The following MOK variants were observed in gnomAD, a reference collection of about 807,000 sequenced individuals.
MOK encodes the protein MAPK/MAK/MRK overlapping kinase.
A neutral mutation model predicts 54.2 loss-of-function variants in MOK; 59 were observed. The observed-to-expected ratio is 1.09, with a 90% confidence interval of 0.88 to 1.35. The LOEUF (loss-of-function observed/expected upper bound fraction) is 1.35, where lower values mean the gene tolerates loss of function less well. MOK is among the 40% of genes most tolerant of loss of function. The pLI, the probability that MOK is intolerant of heterozygous loss-of-function variation, is 0.00. For missense variants in MOK, 517 were observed against 526.2 expected (o/e 0.98, Z 0.17); for synonymous variants, 210 against 202.7 (o/e 1.04, Z -0.31).
intron 6 of MOK, 63 bp from the exon 7 acceptor site, chr14:102,251,053 A>C: frequency 6.6e-7 from 1 of 1,525,404 alleles, no homozygotes; most frequent in Non-Finnish European, 8.9e-7. Context: ...AATACAAACC[A>C]CTCCAAATAT....
Position 102,229,916 on chromosome 14 carries a change from C to T in MOK, c.982-259G>A. 8.7e-6 allele frequency: 4 copies of T among 460,416 alleles called. No individual in the cohort carries two copies. In the South Asian group the frequency reaches 1.4e-4, roughly 16 times the overall value. 28.5% of individuals were successfully genotyped at this position (460,416 alleles called of 1,614,324 possible). A position where few individuals can be genotyped will look rare whatever the true frequency, so the allele number is the denominator to read the frequency against. On this transcript the variant is annotated intron_variant, in intron 10 of 11. Transcript: ENST00000361847. ...TGAGCAGTGCGGGCGGCAAAGGGCT[C>T]GCGGGCTGTGGTGCCCACGCCTCCT...
chr14:102,220,031 G>A (rs1371689232), downstream of MOK, among the ~76,000 whole-genome samples: 1 of 152,250 alleles, frequency 6.6e-6, no homozygotes, highest in Non-Finnish European at 1.5e-5. The surrounding 1 kb of genome is among the most constrained non-coding windows in gnomAD (Gnocchi z 4.2). Flanking sequence ...TGTGCTAATG[G>A]GAGAATAGGA....
intron 4 of MOK, among the ~76,000 whole-genome samples, chr14:102,255,178 C>T (rs1046011505): frequency 6.6e-6 from 1 of 151,984 alleles, no homozygotes; most frequent in Non-Finnish European, 1.5e-5. Context: ...ATTAGCCAGG[C>T]GTGGCGGCAG....
rs747544552 is a variant in MOK at position 102,283,491 on chromosome 14, G to A, written c.109C>T (p.Gln37Ter). The part of the protein sequence containing the change: ...GNYYACKQMK[Q>*]RFESIEQVNN... ...TCTGTAGCCTACCTTTCAAAGCGCT[G>A]CTTCATTTGTTTACATGCATAGTAG... Residue 37 changes from glutamine (Q) to a stop codon, truncating the protein, a stop_gained, in exon 2 of 12, where the codon CAG becomes TAG. Coordinates refer to ENST00000361847, the MANE Select transcript of MOK (RefSeq NM_014226.3). LOFTEE classifies it high-confidence loss of function. The A allele has an allele frequency of 1.2e-6, 2 of 1,610,294 alleles. No individual in the cohort carries two copies. The highest frequency in any genetic ancestry group is 1.1e-5 in the South Asian group (1 of 90,412).
chr14:102,245,083 T>A lies in MOK; in HGVS notation c.590+5729A>T, dbSNP rs758057016. Among the ~76,000 whole-genome samples the A allele has an allele frequency of 2.6e-5, 4 of 152,114 alleles. No individual in the cohort carries two copies. Among genetic ancestry groups the A allele is most frequent in the Non-Finnish European group, 4.4e-5 (3 of 68,014 alleles). On this transcript the variant is annotated intron_variant, in intron 7 of 11. Transcript: ENST00000361847. The surrounding 1 kb of genome is among the most constrained non-coding windows in gnomAD (Gnocchi z 4.3). ...CCAATTCTTAGTCCTTTAATACCTG[T>A]TTTTCTCCTTCTCTTATTTGGACCT...
intron 1 of MOK, among the ~76,000 whole-genome samples, chr14:102,294,081 C>A (rs540221255): frequency 1.6e-4 from 24 of 152,154 alleles, no homozygotes; most frequent in Non-Finnish European, 2.9e-4. Context: ...AGGCGGATCA[C>A]CTGATCCCAG....
chr14:102,271,966 C>T (rs1458782518), intron 2 of MOK, among the ~76,000 whole-genome samples: 1 of 152,128 alleles, frequency 6.6e-6, no homozygotes, highest in African/African-American at 2.4e-5. Context: ...GCAGCCTTGA[C>T]CTCCTGATCT....
intron 1 of MOK, among the ~76,000 whole-genome samples, chr14:102,298,955 G>A (rs1042385748): frequency 3.9e-5 from 6 of 152,154 alleles, no homozygotes; most frequent in Admixed American, 3.3e-4. Flanking sequence ...CACTCCTGAA[G>A]CCAGTGAGAC....
downstream of MOK, among the ~76,000 whole-genome samples, chr14:102,228,468 G>A (rs1164280114): frequency 2.0e-5 from 3 of 152,092 alleles, no homozygotes; most frequent in East Asian, 3.9e-4. Context: ...AGGCCGAGGC[G>A]GGAGGATCAC....
At chr14:102,214,776 T>C in the MOK span, 24 of 979,082 alleles carry the variant, frequency 2.5e-5, no homozygotes, top group Admixed American at 6.1e-5. Context: ...ACATGAAATA[T>C]TGGTAAATTA....
chr14:102,274,607 GA>G (rs894483888), intron 2 of MOK, among the ~76,000 whole-genome samples: 4 of 147,494 alleles, frequency 2.7e-5, no homozygotes, highest in East Asian at 2.0e-4. Flanking sequence ...AATCCTCACA[GA>G]AAAAAAAAAT....
chr14:102,287,981 C>T (rs1241053713), intron 1 of MOK, among the ~76,000 whole-genome samples: 1 of 151,418 alleles, frequency 6.6e-6, no homozygotes, highest in South Asian at 2.1e-4. Context: ...ATTACAGGCG[C>T]CCGCCACCGC....
chr14:102,251,506 G>A, intron 6 of MOK: 1 of 580,710 alleles, frequency 1.7e-6, no homozygotes, highest in Admixed American at 2.2e-5. Context: ...CGTCTGAATA[G>A]GGTTCATTTT....
At position 102,232,482 on chromosome 14, in the gene MOK, G is replaced by T; in HGVS notation, c.866+53C>A. Reference sequence around the variant, plus strand: ...ACCTTGCCCCACCATGTGCCCATGGGTCTCATTTGCCAGGTCCTGCATCTG... The same window carrying T: ...ACCTTGCCCCACCATGTGCCCATGGTTCTCATTTGCCAGGTCCTGCATCTG... On this transcript the variant is annotated intron_variant, in intron 9 of 11. Transcript: ENST00000361847. This position sits in a 1 kb window ranked among gnomAD's most constrained non-coding sequence, Gnocchi z 5.1. 3 of 1,565,416 alleles carry T rather than the reference G, an allele frequency of 1.9e-6. No homozygotes were observed. Among genetic ancestry groups the T allele is most frequent in the Non-Finnish European group, 2.6e-6 (3 of 1,149,240 alleles).
downstream of MOK, among the ~76,000 whole-genome samples, chr14:102,223,916 C>T (rs775406793): frequency 5.9e-5 from 9 of 152,158 alleles, no homozygotes; most frequent in Non-Finnish European, 1.3e-4. Context: ...TTCAGGATCA[C>T]GTTTCCATAC....
At chr14:102,287,495 C>T (rs1002856263) in intron 1 of MOK, among the ~76,000 whole-genome samples, 6 of 152,114 alleles carry the variant, frequency 3.9e-5, no homozygotes, top group Non-Finnish European at 5.9e-5. Flanking sequence ...TGATAAGAAA[C>T]TTATATCTAG....
intron 2 of MOK, among the ~76,000 whole-genome samples, chr14:102,269,105 A>ACTT (rs2068143964): frequency 6.6e-6 from 1 of 152,132 alleles, no homozygotes; most frequent in South Asian, 2.1e-4. Context: ...GATTACTACT[A>ACTT]CTTATGATTT....
Position 102,234,769 on chromosome 14 carries a change from C to T in MOK, c.591-980G>A, listed in dbSNP as rs139877969. ...CTCAATACAAATCAGACCATGGCTC[C>T]CAATGGCCTGAAAATGGCACTTTCG... On this transcript the variant is annotated intron_variant, in intron 7 of 11. Coordinates refer to ENST00000361847, the MANE Select transcript of MOK (RefSeq NM_014226.3). Among the ~76,000 whole-genome samples, 230 of 152,266 alleles carry T rather than the reference C, an allele frequency of 1.5e-3. 1 individual carries two copies. Among genetic ancestry groups the T allele is most frequent in the African/African-American group, 5.2e-3 (218 of 41,540 alleles).
At chr14:102,299,543 C>T (rs920783197) in intron 1 of MOK, among the ~76,000 whole-genome samples, 3 of 151,950 alleles carry the variant, frequency 2.0e-5, no homozygotes, top group African/African-American at 7.3e-5. Flanking sequence ...CTCTCTGATA[C>T]AATAGCAAAC....
Sources: allele counts gnomAD v4.1 joint callset (sites outside exome capture counted in the v4.1 genomes callset), GRCh38; gene constraint gnomAD v4.1.1; non-coding constraint Gnocchi (gnomAD v3.1); transcripts MANE v1.5; gene names NCBI Gene and HGNC (gene_info 2026-07-23, HGNC 2026-07-21).